The following SNX29 variants were observed in gnomAD, a reference collection of about 807,000 sequenced individuals.
The protein encoded by SNX29 is sorting nexin-29.
A neutral mutation model predicts 102.1 loss-of-function variants in SNX29; 78 were observed. The observed-to-expected ratio is 0.76, with a 90% CI of 0.64 to 0.92. SNX29 has a LOEUF of 0.92. SNX29 is among the 40% of genes least tolerant of loss of function. SNX29 has a pLI of 0.00. For missense variants in SNX29, 1,280 were observed against 1,061.7 expected, an observed-to-expected ratio of 1.21 and a Z score of -2.86; for synonymous variants, 580 against 414.5, an observed-to-expected ratio of 1.40 and a Z score of -4.85.
chr16:12,567,079 A>G (rs146026925), intron 20 of SNX29, among the ~76,000 whole-genome samples: 4 of 152,344 alleles, frequency 2.6e-5, no homozygotes, highest in East Asian at 1.9e-4. Flanking sequence ...CCCTGCAGGG[A>G]TCCTCGAGGG....
At position 12,096,096 on chromosome 16, in the gene SNX29, G is replaced by T. The variant is rs1438473061; in HGVS notation, c.1402+17181G>T. On this transcript the variant is annotated intron_variant, in intron 11 of 20. Coordinates refer to ENST00000566228, the MANE Select transcript of SNX29 (RefSeq NM_032167.5). The surrounding 1 kb of genome is among the most constrained non-coding windows in gnomAD (Gnocchi z 4.2). ...AGGATGAGATGGTGGGGCAGTGGCC[G>T]TTAAATCGGCTGCAGTCTGAGCCCC... is the stretch of plus-strand genomic sequence containing the variant. 6.6e-6 allele frequency among the ~76,000 whole-genome samples: 1 copy of T among 152,240 alleles called. No individual in the cohort carries two copies. The highest frequency in any genetic ancestry group is 1.5e-5 in the Non-Finnish European group (1 of 68,052).
chr16:12,115,252 C>G (rs2053648401), intron 11 of SNX29, among the ~76,000 whole-genome samples: 1 of 152,092 alleles, frequency 6.6e-6, no homozygotes, highest in African/African-American at 2.4e-5. Context: ...GAATCCCATC[C>G]TATCTGTGGT....
rs1484971588 is a variant in SNX29 at position 12,571,865 on chromosome 16, A to AT, written c.*3240dup. The AT allele has an allele frequency of 8.5e-6, 9 of 1,061,462 alleles. No homozygotes were observed. In the African/African-American group the frequency reaches 1.3e-4, roughly 16 times the overall value. 65.8% of individuals were successfully genotyped at this position (1,061,462 alleles called of 1,614,324 possible). ...GCTCCAATCACGTTGCTGGCAAGGCATTTTAGAGTTTGGAGCTGAGGTTCA... is the reference window on the plus strand; with the variant it reads ...GCTCCAATCACGTTGCTGGCAAGGCATTTTTAGAGTTTGGAGCTGAGGTTCA... On this transcript the variant is annotated 3_prime_UTR_variant, in exon 21 of 21. Transcript: ENST00000566228.
intron 15 of SNX29, among the ~76,000 whole-genome samples, chr16:12,348,016 C>T (rs1001323576): frequency 1.3e-5 from 2 of 152,108 alleles, no homozygotes; most frequent in Middle Eastern, 3.4e-3. Flanking sequence ...GAGGTCGAGG[C>T]TGCATGAGCT....
intron 9 of SNX29, among the ~76,000 whole-genome samples, chr16:12,065,137 GGGA>G (rs1200080021): frequency 6.6e-6 from 1 of 152,174 alleles, no homozygotes; most frequent in Non-Finnish European, 1.5e-5. Flanking sequence ...CTGTGGTTTA[GGGA>G]GGAGTTTTGG....
At position 12,505,811 on chromosome 16, in the gene SNX29, C is replaced by G. The variant is rs1015598776; in HGVS notation, c.2179-18891C>G. Among the ~76,000 whole-genome samples, 4 of 140,108 alleles carry G rather than the reference C, an allele frequency of 2.9e-5. No homozygotes were observed. The South Asian group carries it at 6.8e-4, about 24-fold the overall frequency. 91.9% of individuals were successfully genotyped at this position (140,108 alleles called of 152,430 possible). A position where few individuals can be genotyped will look rare whatever the true frequency, so the allele number is the denominator to read the frequency against. ...CAACTGGGATTTTGAGAAGGAATGACGTTGAATCTGCCAGTCAATTTGAGG... is the reference window on the plus strand; with the variant it reads ...CAACTGGGATTTTGAGAAGGAATGAGGTTGAATCTGCCAGTCAATTTGAGG... On this transcript the variant is annotated intron_variant, in intron 19 of 20. Coordinates refer to ENST00000566228, the MANE Select transcript of SNX29 (RefSeq NM_032167.5).
intron 11 of SNX29, chr16:12,087,579 A>T (rs2052268711): frequency 3.0e-6 from 1 of 333,382 alleles, no homozygotes; most frequent in African/African-American, 2.1e-5. Context: ...CCTGGGCAAC[A>T]GAGCAAGACC....
At chr16:11,991,861 C>T (rs1339455167) in intron 1 of SNX29, among the ~76,000 whole-genome samples, 1 of 151,956 alleles carries the variant, frequency 6.6e-6, no homozygotes, top group Non-Finnish European at 1.5e-5. Context: ...CTGGGAGTAG[C>T]TTTTCTATTG....
At chr16:12,495,395 G>A (rs1459169214) in intron 19 of SNX29, among the ~76,000 whole-genome samples, 1 of 152,004 alleles carries the variant, frequency 6.6e-6, no homozygotes, top group South Asian at 2.1e-4. Flanking sequence ...TGATCCACCC[G>A]CCTCAACTTC....
At chr16:12,300,742 T>A (rs2080144768) in intron 15 of SNX29, among the ~76,000 whole-genome samples, 1 of 152,196 alleles carries the variant, frequency 6.6e-6, no homozygotes, top group Admixed American at 6.5e-5. Context: ...AAAGTAGGGT[T>A]TCTCAAACTC....
chr16:12,382,247 T>G (rs1300694163), intron 16 of SNX29, among the ~76,000 whole-genome samples: 1 of 152,192 alleles, frequency 6.6e-6, no homozygotes, highest in Non-Finnish European at 1.5e-5. Flanking sequence ...TTCCCTGTTT[T>G]CTAACTGAGA....
At chr16:12,280,274 C>T (rs2079391016) in intron 15 of SNX29, among the ~76,000 whole-genome samples, 1 of 152,226 alleles carries the variant, frequency 6.6e-6, no homozygotes, top group Non-Finnish European at 1.5e-5. Context: ...AAAGGTGATG[C>T]TGTGGCTGTG....
chr16:12,361,281 G>T (rs2082292854), intron 16 of SNX29, among the ~76,000 whole-genome samples: 1 of 152,236 alleles, frequency 6.6e-6, no homozygotes, highest in African/African-American at 2.4e-5. Context: ...GGCTCAGTGG[G>T]CAGTCAGGAA....
chr16:12,437,064 G>C (rs922657605), intron 18 of SNX29, among the ~76,000 whole-genome samples: 1 of 152,246 alleles, frequency 6.6e-6, no homozygotes, highest in African/African-American at 2.4e-5. Context: ...GATTCTGAAA[G>C]ACAGTTTGTG....
rs150198634 is a variant in SNX29 at position 12,009,368 on chromosome 16, G to A, written c.122+6325G>A. Among the ~76,000 whole-genome samples the A allele has an allele frequency of 1.5e-3, 230 of 151,930 alleles. 3 individuals are homozygous for A. The highest frequency in any genetic ancestry group is 1.0e-4 in the Non-Finnish European group (7 of 67,986). On this transcript the variant is annotated intron_variant, in intron 3 of 20. Transcript: ENST00000566228. ...CAAAATCCAAGGTGGATGTGTGTGA[G>A]CATGTTTTTGTATGTGTGTGTGGGT...
In SNX29 at chr16:12,115,521, GT is replaced by G. The variant is rs1361909674; in HGVS notation, c.1403-11111del. ...TGTGTGTGTGTGTGTGTGTGTGTGT[GT>G]GGTGCTGGGTACTAAGTGGAATCAC... On this transcript the variant is annotated intron_variant, in intron 11 of 20. Coordinates refer to ENST00000566228, the MANE Select transcript of SNX29 (RefSeq NM_032167.5). Among the ~76,000 whole-genome samples, 141 of 151,558 alleles carry G rather than the reference GT, an allele frequency of 9.3e-4. 1 individual carries two copies. The highest frequency in any genetic ancestry group is 3.3e-3 in the African/African-American group (138 of 41,272).
chr16:12,536,654 C>A (rs540091101), intron 20 of SNX29, among the ~76,000 whole-genome samples: 3 of 152,104 alleles, frequency 2.0e-5, no homozygotes, highest in Non-Finnish European at 4.4e-5. Context: ...TTTCTGGGTT[C>A]CTTAGATCCA....
chr16:12,019,625 T>TAG (rs371628572), intron 3 of SNX29, among the ~76,000 whole-genome samples: 29 of 141,458 alleles, frequency 2.1e-4, no homozygotes, highest in African/African-American at 7.6e-4. Flanking sequence ...GATAGATAGA[T>TAG]ATAGATATAT....
At chr16:12,243,726 G>A (rs2078179588) in intron 14 of SNX29, among the ~76,000 whole-genome samples, 1 of 152,192 alleles carries the variant, frequency 6.6e-6, no homozygotes, top group South Asian at 2.1e-4. Flanking sequence ...TGCAGGCCTG[G>A]TTCTACCCTC....
Sources: allele counts gnomAD v4.1 joint callset (sites outside exome capture counted in the v4.1 genomes callset), GRCh38; gene constraint gnomAD v4.1.1; non-coding constraint Gnocchi (gnomAD v3.1); transcripts MANE v1.5; gene names NCBI Gene and HGNC (gene_info 2026-07-23, HGNC 2026-07-21).